Variants in ZNF654 observed in about 807,000 individuals in gnomAD.
ZNF654 encodes melanoma-associated antigen.
Under a neutral mutation model 95.3 loss-of-function variants are expected in ZNF654, and 19 were observed. The observed-to-expected ratio is 0.20, with a 90% CI of 0.14 to 0.29. The LOEUF (loss-of-function observed/expected upper bound fraction) is 0.29, where lower values mean the gene tolerates loss of function less well. ZNF654 is among the 10% of genes least tolerant of loss of function. The pLI, the probability that ZNF654 is intolerant of heterozygous loss-of-function variation, is 1.00. For synonymous variants in ZNF654, 413 were observed against 457.9 expected (o/e 0.90, Z 1.25); for missense variants, 1,046 against 1,341.0 (o/e 0.78, Z 3.44).
chr3:88,116,754 G>A (rs1385322736), intron 3 of ZNF654, among the ~76,000 whole-genome samples: 2 of 151,972 alleles, frequency 1.3e-5, no homozygotes, highest in Non-Finnish European at 2.9e-5. Context: ...GAGAGGTGTG[G>A]TTGTCTTTCA....
rs1163618029 is a variant in ZNF654 at position 88,078,908 on chromosome 3, A to AT, written c.187-7340dup. ...TGGTTCTATTATAAATTCTCTGTGA[A>AT]TTTTTTTTTGTATACAACTTTGATG... On this transcript the variant is annotated intron_variant, in intron 1 of 8. Coordinates refer to ENST00000636215, the MANE Select transcript of ZNF654 (RefSeq NM_001350134.2). Among the ~76,000 whole-genome samples the AT allele has an allele frequency of 3.1e-3, 464 of 151,640 alleles. 5 individuals carry two copies. The highest frequency in any genetic ancestry group is 0.01 in the African/African-American group (429 of 41,406).
At chr3:88,117,365 C>A (rs1285469193) in intron 3 of ZNF654, among the ~76,000 whole-genome samples, 1 of 152,080 alleles carries the variant, frequency 6.6e-6, no homozygotes, top group Non-Finnish European at 1.5e-5. Context: ...CAATAAAATT[C>A]TCTATAGTAA....
chr3:88,062,801 G>A (rs1292362701), intron 1 of ZNF654, among the ~76,000 whole-genome samples: 3 of 152,156 alleles, frequency 2.0e-5, no homozygotes, highest in Non-Finnish European at 4.4e-5. Flanking sequence ...TAAAAAGAGA[G>A]AAGAATATAA....
chr3:88,142,210 A>G lies in ZNF654; in HGVS notation c.*558A>G, dbSNP rs1473516412. 6.6e-6 allele frequency: 1 copy of G among 152,220 alleles called. No individual in the cohort carries two copies. Among genetic ancestry groups the G allele is most frequent in the Non-Finnish European group, 1.5e-5 (1 of 67,840 alleles). 9.4% of individuals were successfully genotyped at this position (152,220 alleles called of 1,614,324 possible). On this transcript the variant is annotated 3_prime_UTR_variant, in exon 9 of 9. Coordinates refer to ENST00000636215, the MANE Select transcript of ZNF654 (RefSeq NM_001350134.2). ...ACATTAACTTACCACAGTGCTATCA[A>G]TTAAAGATTGTAACAGGTTTCCAGA...
At chr3:88,077,415 G>C (rs1196359056) in intron 1 of ZNF654, among the ~76,000 whole-genome samples, 2 of 150,272 alleles carry the variant, frequency 1.3e-5, no homozygotes, top group Non-Finnish European at 3.0e-5. Context: ...CTCACTGCAA[G>C]CTCCGCCGCC....
chr3:88,078,682 CTT>C (rs1209361259), intron 1 of ZNF654, among the ~76,000 whole-genome samples: 1 of 151,960 alleles, frequency 6.6e-6, no homozygotes, highest in Non-Finnish European at 1.5e-5. Context: ...TTTGTTTCTA[CTT>C]TAAAAAAATG....
chr3:88,140,522 A>T lies in ZNF654; in HGVS notation c.2853A>T (p.Ser951=), dbSNP rs754243265. 1 of 1,613,784 alleles carries T rather than the reference A, an allele frequency of 6.2e-7. No homozygotes were observed. The highest frequency in any genetic ancestry group is 2.2e-5 in the East Asian group (1 of 44,872). Reference sequence around the variant, plus strand: ...ACGAACGTTCTGATGACACTGTTTCAAATATAAGCTTGATAGACCAAAAGA... The same window carrying T: ...ACGAACGTTCTGATGACACTGTTTCTAATATAAGCTTGATAGACCAAAAGA... ...NGNERSDDTV[S]NISLIDQKMP... The change falls in exon 8 of 9, where the codon TCA becomes TCT. Residue 951 remains serine, a synonymous_variant. Transcript: ENST00000636215.
intron 1 of ZNF654, among the ~76,000 whole-genome samples, chr3:88,074,365 T>C (rs1404384249): frequency 7.3e-6 from 1 of 137,670 alleles, no homozygotes; most frequent in Non-Finnish European, 1.6e-5. Context: ...TTTTTGAGAC[T>C]GAGTCTTGCT....
intron 3 of ZNF654, among the ~76,000 whole-genome samples, chr3:88,117,111 T>G (rs1705462198): frequency 1.3e-5 from 2 of 152,122 alleles, no homozygotes; most frequent in Non-Finnish European, 2.9e-5. Flanking sequence ...GGTAAAATAT[T>G]ATATAGAGAT....
chr3:88,079,471 A>T (rs1380773599), intron 1 of ZNF654, among the ~76,000 whole-genome samples: 1 of 152,108 alleles, frequency 6.6e-6, no homozygotes, highest in Non-Finnish European at 1.5e-5. Context: ...TTCAAACTGG[A>T]ACTGATAGAT....
chr3:88,127,525 T>C (rs1236227645), intron 4 of ZNF654, among the ~76,000 whole-genome samples: 1 of 151,092 alleles, frequency 6.6e-6, no homozygotes, highest in African/African-American at 2.4e-5. Context: ...GAGTCAAATA[T>C]AGGGAAGGCA....
chr3:88,132,689 T>G (rs964702633), intron 6 of ZNF654, among the ~76,000 whole-genome samples: 2 of 152,216 alleles, frequency 1.3e-5, no homozygotes, highest in Admixed American at 1.3e-4. Context: ...TATTACAGGC[T>G]TTCAACATTT....
chr3:88,100,668 A>G (rs1704361410), intron 2 of ZNF654, among the ~76,000 whole-genome samples: 1 of 152,192 alleles, frequency 6.6e-6, no homozygotes, highest in African/African-American at 2.4e-5. Context: ...AGGGACATGG[A>G]TGAAGCTGGA....
chr3:88,137,891 T>TTATA (rs1706892989), intron 7 of ZNF654, among the ~76,000 whole-genome samples: 8 of 151,550 alleles, frequency 5.3e-5, no homozygotes, highest in African/African-American at 1.7e-4. Context: ...GTAGGCAGTA[T>TTATA]GATATATATA....
At chr3:88,127,893 A>T (rs11128023) in intron 4 of ZNF654, among the ~76,000 whole-genome samples, 143,201 of 152,238 alleles carry the variant, frequency 0.94, 67,879 homozygotes, top group Non-Finnish European at 1. Context: ...TTGCATTAAC[A>T]ATACAAATCA....
chr3:88,099,168 A>G (rs1704246129), intron 2 of ZNF654, among the ~76,000 whole-genome samples: 1 of 152,190 alleles, frequency 6.6e-6, no homozygotes, highest in Non-Finnish European at 1.5e-5. Flanking sequence ...TGCAAAAATC[A>G]CAAGCATTCC....
At chr3:88,107,997 GTTTATA>G (rs1022266420) in intron 2 of ZNF654, among the ~76,000 whole-genome samples, 5 of 151,150 alleles carry the variant, frequency 3.3e-5, no homozygotes, top group African/African-American at 1.2e-4. Context: ...ATTTTTTTTT[GTTTATA>G]TTGTGTTTGT....
intron 6 of ZNF654, among the ~76,000 whole-genome samples, chr3:88,133,670 ACTC>A (rs1207673151): frequency 6.6e-6 from 1 of 152,028 alleles, no homozygotes; most frequent in Non-Finnish European, 1.5e-5. Flanking sequence ...AAATCCTGAA[ACTC>A]CTAACTCTAC....
intron 2 of ZNF654, among the ~76,000 whole-genome samples, chr3:88,109,462 C>T (rs1160294143): frequency 6.6e-6 from 1 of 152,012 alleles, no homozygotes; most frequent in Non-Finnish European, 1.5e-5. Flanking sequence ...TTTTCCTTTA[C>T]TTAAATTGGT....
Sources: allele counts gnomAD v4.1 joint callset (sites outside exome capture counted in the v4.1 genomes callset), GRCh38; gene constraint gnomAD v4.1.1; transcripts MANE v1.5; gene names NCBI Gene and HGNC (gene_info 2026-07-23, HGNC 2026-07-21).